CCDC148: variants seen among roughly 807,000 people sequenced by gnomAD.
CCDC148 encodes the protein coiled-coil domain containing 148, also known as coiled-coil domain-containing protein 148.
A neutral mutation model predicts 85.7 loss-of-function variants in CCDC148; 89 were observed. The ratio of observed to expected loss-of-function variants is 1.04; its 90% confidence interval spans 0.87 to 1.24. The LOEUF (loss-of-function observed/expected upper bound fraction) is 1.24, where lower values mean the gene tolerates loss of function less well. CCDC148 is among the 50% of genes most tolerant of loss of function. The pLI is 0.00. For missense variants in CCDC148, 692 were observed against 671.7 expected (o/e 1.03, Z -0.33); for synonymous variants, 230 against 213.9 (o/e 1.08, Z -0.66).
At chr2:158,441,666 C>T (rs1403795241) in intron 1 of CCDC148, among the ~76,000 whole-genome samples, 1 of 152,056 alleles carries the variant, frequency 6.6e-6, no homozygotes, top group Non-Finnish European at 1.5e-5. Context: ...TCTTTTTGAG[C>T]TTCAAATACA....
At chr2:158,332,965 T>A (rs1225326499) in intron 7 of CCDC148, among the ~76,000 whole-genome samples, 2 of 152,036 alleles carry the variant, frequency 1.3e-5, no homozygotes, top group Non-Finnish European at 2.9e-5. Flanking sequence ...ATTTTGTTAA[T>A]CTTTTCAAAA....
intron 9 of CCDC148, among the ~76,000 whole-genome samples, chr2:158,256,343 A>G (rs371944236): frequency 2.0e-5 from 3 of 151,830 alleles, no homozygotes; most frequent in East Asian, 3.9e-4. Context: ...GGTTACCCCT[A>G]TAGTTCATTT....
chr2:158,391,736 T>A (rs151226238), intron 1 of CCDC148, among the ~76,000 whole-genome samples: 91 of 152,284 alleles, frequency 6.0e-4, no homozygotes, highest in African/African-American at 2.2e-3. Context: ...GGATGAGGCA[T>A]GGGCTTGCAG....
At chr2:158,232,777 A>G (rs182370210) in intron 10 of CCDC148, among the ~76,000 whole-genome samples, 7 of 152,262 alleles carry the variant, frequency 4.6e-5, no homozygotes, top group Admixed American at 2.0e-4. Context: ...GCACATTTTT[A>G]TTCCATTTTC....
chr2:158,336,457 A>G (rs1489484809), intron 7 of CCDC148, among the ~76,000 whole-genome samples: 1 of 152,074 alleles, frequency 6.6e-6, no homozygotes, highest in Non-Finnish European at 1.5e-5. Flanking sequence ...ATGTATATAC[A>G]TTTCTTCCCC....
chr2:158,268,221 G>C (rs1365229258), intron 9 of CCDC148, among the ~76,000 whole-genome samples: 1 of 152,118 alleles, frequency 6.6e-6, no homozygotes, highest in Admixed American at 6.6e-5. Flanking sequence ...AAGGGTTCCA[G>C]TTGTGCTTCT....
intron 2 of CCDC148, among the ~76,000 whole-genome samples, chr2:158,354,684 T>G (rs552531953): frequency 6.6e-6 from 1 of 151,956 alleles, no homozygotes; most frequent in African/African-American, 2.4e-5. Context: ...TCTGAAACTA[T>G]TCCAATCAAT....
At chr2:158,181,353 T>C (rs1434225805) in intron 11 of CCDC148, among the ~76,000 whole-genome samples, 1 of 152,168 alleles carries the variant, frequency 6.6e-6, no homozygotes, top group Non-Finnish European at 1.5e-5. Context: ...TATTCATTTA[T>C]TTAACAGGTA....
intron 11 of CCDC148, among the ~76,000 whole-genome samples, chr2:158,187,804 A>T (rs918324529): frequency 6.6e-6 from 1 of 151,982 alleles, no homozygotes; most frequent in South Asian, 2.1e-4. Context: ...CTTCAACTAC[A>T]ATCAGTGCAC....
chr2:158,447,019 T>A (rs189196780), intron 1 of CCDC148: 1 of 152,346 alleles, frequency 6.6e-6, no homozygotes, highest in East Asian at 1.9e-4. Flanking sequence ...ATATTTAGAT[T>A]ATTTCCAATG....
intron 7 of CCDC148, among the ~76,000 whole-genome samples, chr2:158,316,876 T>C (rs1385558205): frequency 6.6e-6 from 1 of 152,202 alleles, no homozygotes; most frequent in Non-Finnish European, 1.5e-5. Context: ...CTGAGGAACA[T>C]GCACTTTGAA....
chr2:158,237,161 T>C lies in CCDC148; in HGVS notation c.1251+13611A>G, dbSNP rs1574465164. Reference sequence around the variant, plus strand: ...GTTCATGGAGTAGGAAGTAGGTTGCTTGGGCTGGAGCTCAACGATGGGAAG... The same window carrying C: ...GTTCATGGAGTAGGAAGTAGGTTGCCTGGGCTGGAGCTCAACGATGGGAAG... On this transcript the variant is annotated intron_variant, in intron 10 of 13. Transcript: ENST00000283233. Among the ~76,000 whole-genome samples, 5 of 152,248 alleles carry C rather than the reference T, an allele frequency of 3.3e-5. 1 individual carries two copies. The Middle Eastern group carries it at 0.01, about 311-fold the overall frequency.
chr2:158,387,762 T>G lies in CCDC148; in HGVS notation c.26-29192A>C, dbSNP rs553435843. ...TCACTCTGCTTGGGCACTGACACAG[T>G]GCACTAGTCACCCATTCATGGTACC... On this transcript the variant is annotated intron_variant, in intron 1 of 13. Coordinates refer to ENST00000283233, the MANE Select transcript of CCDC148 (RefSeq NM_138803.4). Among the ~76,000 whole-genome samples the G allele has an allele frequency of 2.0e-5, 3 of 152,238 alleles. No individual in the cohort carries two copies. The East Asian group carries it at 5.8e-4, about 30-fold the overall frequency.
chr2:158,434,444 G>A (rs1215530592), intron 1 of CCDC148, among the ~76,000 whole-genome samples: 4 of 152,162 alleles, frequency 2.6e-5, no homozygotes, highest in Non-Finnish European at 4.4e-5. Context: ...AAACAGAAAG[G>A]ACATCCACAC....
intron 11 of CCDC148, among the ~76,000 whole-genome samples, chr2:158,203,717 A>C (rs917962149): frequency 6.6e-6 from 1 of 152,184 alleles, no homozygotes; most frequent in Non-Finnish European, 1.5e-5. Flanking sequence ...AAAAGAAAAA[A>C]ATTCTATAGC....
intron 9 of CCDC148, among the ~76,000 whole-genome samples, chr2:158,262,198 C>A (rs1447429846): frequency 1.3e-5 from 2 of 151,998 alleles, no homozygotes; most frequent in East Asian, 3.9e-4. Flanking sequence ...AGAACAAGAT[C>A]ATATATTTTG....
intron 1 of CCDC148, among the ~76,000 whole-genome samples, chr2:158,372,955 G>A (rs375266075): frequency 3.9e-5 from 6 of 152,008 alleles, no homozygotes; most frequent in South Asian, 4.1e-4. Context: ...CATGTAGGTC[G>A]TAATCCTCAG....
chr2:158,328,792 G>C (rs1413073284), intron 7 of CCDC148, among the ~76,000 whole-genome samples: 1 of 152,152 alleles, frequency 6.6e-6, no homozygotes, highest in Non-Finnish European at 1.5e-5. Context: ...TCATGTGTCT[G>C]CTGACTGCAT....
intron 1 of CCDC148, among the ~76,000 whole-genome samples, chr2:158,364,706 G>T (rs1348396476): frequency 1.3e-5 from 2 of 152,044 alleles, no homozygotes; most frequent in African/African-American, 4.8e-5. Flanking sequence ...AACCGTAACA[G>T]TCCTAGAAGA....
Sources: allele counts gnomAD v4.1 joint callset (sites outside exome capture counted in the v4.1 genomes callset), GRCh38; gene constraint gnomAD v4.1.1; transcripts MANE v1.5; gene names NCBI Gene and HGNC (gene_info 2026-07-23, HGNC 2026-07-21).